Variants in PDS5B observed in about 807,000 individuals in gnomAD.
The protein encoded by PDS5B is sister chromatid cohesion protein PDS5 homolog B.
A neutral mutation model predicts 184.1 loss-of-function variants in PDS5B; 51 were observed. The ratio of observed to expected loss-of-function variants is 0.28; its 90% confidence interval spans 0.22 to 0.35. The LOEUF (loss-of-function observed/expected upper bound fraction) is 0.35. PDS5B is among the 10% of genes least tolerant of loss of function. The probability of loss-of-function intolerance (pLI) is 1.00; values close to 1 mark genes in which losing one functional copy is unlikely to be tolerated. For synonymous variants in PDS5B, 566 were observed against 569.2 expected, an observed-to-expected ratio of 0.99 and a Z score of 0.08; for missense variants, 1,180 against 1,723.3, an observed-to-expected ratio of 0.68 and a Z score of 5.58.
intron 1 of PDS5B, among the ~76,000 whole-genome samples, chr13:32,586,805 G>A (rs2140447379): frequency 6.9e-6 from 1 of 145,772 alleles, no homozygotes; most frequent in South Asian, 2.1e-4. Flanking sequence ...CGCGGGGCGC[G>A]GGCCGGCTGC....
At chr13:32,698,265 T>G (rs547522797) in intron 15 of PDS5B, among the ~76,000 whole-genome samples, 1 of 152,250 alleles carries the variant, frequency 6.6e-6, no homozygotes, top group African/African-American at 2.4e-5. Context: ...TAATAGGCCT[T>G]ATTGTAGCCT....
chr13:32,611,503 CTTT>C lies in PDS5B; in HGVS notation c.-20+24929_-20+24931del, dbSNP rs35825698. ...GATCATTTTATTACTTTGGTTAAAA[CTTT>C]TTTTTTTTTTTTTTTTTTGGAGACC... On this transcript the variant is annotated intron_variant, in intron 1 of 34. Coordinates refer to ENST00000315596, the MANE Select transcript of PDS5B (RefSeq NM_015032.4). 1.7e-3 allele frequency among the ~76,000 whole-genome samples: 187 copies of C among 110,892 alleles called. 1 individual carries two copies. Among genetic ancestry groups the C allele is most frequent in the Non-Finnish European group, 2.1e-3 (119 of 55,964 alleles). 72.7% of individuals were successfully genotyped at this position (110,892 alleles called of 152,430 possible).
intron 24 of PDS5B, among the ~76,000 whole-genome samples, chr13:32,748,687 T>A (rs1953852987): frequency 6.6e-6 from 1 of 152,058 alleles, no homozygotes; most frequent in Admixed American, 6.6e-5. Flanking sequence ...ATTTCCCAGA[T>A]CTATTCTTTC....
At chr13:32,715,125 A>G (rs1952333930) in intron 19 of PDS5B, among the ~76,000 whole-genome samples, 1 of 152,206 alleles carries the variant, frequency 6.6e-6, no homozygotes, top group African/African-American at 2.4e-5. Flanking sequence ...TAGTTAGGTC[A>G]GCGCAGTGGA....
chr13:32,633,535 G>T (rs1455754172), intron 1 of PDS5B, among the ~76,000 whole-genome samples: 1 of 152,202 alleles, frequency 6.6e-6, no homozygotes, highest in Non-Finnish European at 1.5e-5. Flanking sequence ...ATTCAGATTA[G>T]ATTTAGTAAT....
intron 1 of PDS5B, among the ~76,000 whole-genome samples, chr13:32,601,307 T>C (rs575826546): frequency 6.6e-6 from 1 of 152,244 alleles, no homozygotes; most frequent in Non-Finnish European, 1.5e-5. Context: ...CTGTTCACAC[T>C]CATTTTCATT....
chr13:32,693,901 C>T (rs923459236), intron 13 of PDS5B, among the ~76,000 whole-genome samples: 6 of 151,580 alleles, frequency 4.0e-5, no homozygotes, highest in African/African-American at 7.3e-5. Context: ...ATAACTAATT[C>T]TTCTTTTTAT....
chr13:32,699,915 C>T (rs1951818849), intron 16 of PDS5B, 46 bp downstream of exon 16: 8 of 1,492,564 alleles, frequency 5.4e-6, no homozygotes, highest in South Asian at 4.3e-5. Flanking sequence ...CCCAAATCTT[C>T]TTTATTGTTT....
intron 25 of PDS5B, among the ~76,000 whole-genome samples, chr13:32,754,294 C>T (rs1010829303): frequency 6.6e-6 from 1 of 152,104 alleles, no homozygotes; most frequent in East Asian, 1.9e-4. Context: ...TCTGTTGATT[C>T]TCTGTTGCTT....
At chr13:32,742,841 A>G in intron 23 of PDS5B, 114 bp downstream of exon 23, 1 of 916,676 alleles carries the variant, frequency 1.1e-6, no homozygotes. Flanking sequence ...ATTGCTTTGT[A>G]CATGTGCATA....
At chr13:32,773,682 A>G (rs1181743264) in intron 34 of PDS5B, among the ~76,000 whole-genome samples, 1 of 152,196 alleles carries the variant, frequency 6.6e-6, no homozygotes, top group Non-Finnish European at 1.5e-5. Flanking sequence ...GTTTCATAAT[A>G]GAAATTAGAA....
At chr13:32,773,852 A>G (rs1321163948) in intron 34 of PDS5B, among the ~76,000 whole-genome samples, 1 of 152,122 alleles carries the variant, frequency 6.6e-6, no homozygotes, top group African/African-American at 2.4e-5. Context: ...CCCAGGCTGG[A>G]GTATAGTGGC....
At position 32,765,390 on chromosome 13, in the gene PDS5B, A is replaced by G. The variant is rs367582140; in HGVS notation, c.3624+796A>G. On this transcript the variant is annotated intron_variant, in intron 31 of 34. Coordinates refer to ENST00000315596, the MANE Select transcript of PDS5B (RefSeq NM_015032.4). ...GTTACGACTTTTGATTATGGTTATC[A>G]TAATAATAAAAGTTAAAATGTTCGA... Among the ~76,000 whole-genome samples, 5 of 152,346 alleles carry G rather than the reference A, an allele frequency of 3.3e-5. No individual in the cohort carries two copies. The East Asian group carries it at 7.7e-4, about 23-fold the overall frequency.
At chr13:32,749,820 G>C (rs1953909171) in intron 24 of PDS5B, among the ~76,000 whole-genome samples, 1 of 151,824 alleles carries the variant, frequency 6.6e-6, no homozygotes, top group Non-Finnish European at 1.5e-5. Context: ...GCTTTGATTG[G>C]AACTTTATCT....
In PDS5B at chr13:32,658,220, T is replaced by C. The variant is rs1018856096; in HGVS notation, c.313-19T>C. The stretch of plus-strand genomic sequence containing the variant: ...TAGCGTTCATAATCTAAATGGCACT[T>C]TGTCTTTTTTTATTTAAGGATATAT... On this transcript the variant is annotated intron_variant, in intron 3 of 34. Coordinates refer to ENST00000315596, the MANE Select transcript of PDS5B (RefSeq NM_015032.4). The C allele has an allele frequency of 5.1e-6, 6 of 1,165,396 alleles. No homozygotes were observed. The highest frequency in any genetic ancestry group is 7.6e-6 in the Non-Finnish European group (6 of 791,796). 72.2% of individuals were successfully genotyped at this position (1,165,396 alleles called of 1,614,324 possible). A position where few individuals can be genotyped will look rare whatever the true frequency, so the allele number is the denominator to read the frequency against.
At chr13:32,737,238 A>T (rs181059247) in intron 21 of PDS5B, among the ~76,000 whole-genome samples, 3 of 152,274 alleles carry the variant, frequency 2.0e-5, no homozygotes, top group African/African-American at 7.2e-5. Context: ...CAGTTAAGCT[A>T]TCGTCAGATC....
At chr13:32,721,401 C>T (rs1410078766) in intron 19 of PDS5B, among the ~76,000 whole-genome samples, 1 of 151,950 alleles carries the variant, frequency 6.6e-6, no homozygotes, top group Non-Finnish European at 1.5e-5. Context: ...CCCCTCACTT[C>T]CCAGACGGAG....
At chr13:32,744,933 A>G (rs1474549388) in intron 23 of PDS5B, among the ~76,000 whole-genome samples, 1 of 152,160 alleles carries the variant, frequency 6.6e-6, no homozygotes, top group Non-Finnish European at 1.5e-5. Context: ...TTGAATAACA[A>G]TCTTTTACTA....
At chr13:32,657,293 T>C (rs1272169964) in intron 3 of PDS5B, among the ~76,000 whole-genome samples, 2 of 152,240 alleles carry the variant, frequency 1.3e-5, no homozygotes, top group African/African-American at 4.8e-5. Flanking sequence ...AGTTAGGTTT[T>C]CTTGTTGAAT....
Sources: gnomAD v4.1 joint callset for allele counts (sites outside exome capture counted in the v4.1 genomes callset) on GRCh38, gnomAD v4.1.1 for gene constraint, MANE v1.5 for transcripts, NCBI Gene and HGNC (gene_info 2026-07-23, HGNC 2026-07-21) for gene names.